ADAMTS18: variants seen among roughly 807,000 people sequenced by gnomAD.
The protein encoded by ADAMTS18 is ADAM metallopeptidase with thrombospondin type 1 motif 18, also known as A disintegrin and metalloproteinase with thrombospondin motifs 18.
In ADAMTS18, 157 loss-of-function variants were observed where a neutral mutation model predicts 165.9. That is an observed-to-expected ratio of 0.95 (90% confidence interval 0.83 to 1.08). ADAMTS18 has a LOEUF of 1.08. Among genes scored for constraint, ADAMTS18 ranks in the 50% least tolerant of loss-of-function variants. The probability of loss-of-function intolerance (pLI) is 0.00; values close to 1 mark genes in which losing one functional copy is unlikely to be tolerated. For synonymous variants in ADAMTS18, 782 were observed against 578.2 expected (o/e 1.35, Z -5.06); for missense variants, 2,040 against 1,534.0 (o/e 1.33, Z -5.51).
chr16:77,383,259 C>T (rs114637679), intron 3 of ADAMTS18, among the ~76,000 whole-genome samples: 42 of 152,196 alleles, frequency 2.8e-4, no homozygotes, highest in African/African-American at 9.1e-4. Flanking sequence ...CATTCACCAT[C>T]ATGCTCTATC....
At position 77,356,007 on chromosome 16, in the gene ADAMTS18, G is replaced by A; in HGVS notation, c.1393C>T (p.Leu465=). Residue 465 remains leucine, a synonymous_variant, in exon 9 of 23, where the codon CTG becomes TTG. Coordinates refer to ENST00000282849, the MANE Select transcript of ADAMTS18 (RefSeq NM_199355.4). ...KAEGNIMSPT[L]TGNNGVFSWS... ...GAAAACACTCCATTGTTTCCGGTCA[G>A]TGTGGGAGACATGATATTGCCTTCA... is the stretch of plus-strand genomic sequence containing the variant. The A allele has an allele frequency of 6.2e-7, 1 of 1,614,104 alleles. No individual in the cohort carries two copies. Among genetic ancestry groups the A allele is most frequent in the Non-Finnish European group, 8.5e-7 (1 of 1,179,980 alleles).
chr16:77,397,151 C>T (rs1177553007), intron 3 of ADAMTS18, among the ~76,000 whole-genome samples: 1 of 152,028 alleles, frequency 6.6e-6, no homozygotes, highest in African/African-American at 2.4e-5. Flanking sequence ...AAATCTAACA[C>T]AATTATTTCT....
chr16:77,344,190 T>C (rs1024933345), intron 10 of ADAMTS18, among the ~76,000 whole-genome samples: 1 of 149,962 alleles, frequency 6.7e-6, no homozygotes, highest in Non-Finnish European at 1.5e-5. Context: ...CATACAGTAA[T>C]TTTGGTCTTG....
At chr16:77,377,164 C>T (rs915930857) in intron 3 of ADAMTS18, among the ~76,000 whole-genome samples, 9 of 152,188 alleles carry the variant, frequency 5.9e-5, no homozygotes, top group South Asian at 2.1e-4. Flanking sequence ...ATAAATCACA[C>T]TTTATGAATT....
chr16:77,411,557 T>C (rs1339170830), intron 3 of ADAMTS18, among the ~76,000 whole-genome samples: 1 of 152,092 alleles, frequency 6.6e-6, no homozygotes, highest in Non-Finnish European at 1.5e-5. Context: ...TGACTAAATG[T>C]GAAAACACAA....
At chr16:77,305,725 G>A (rs2055669547) in intron 16 of ADAMTS18, among the ~76,000 whole-genome samples, 1 of 152,164 alleles carries the variant, frequency 6.6e-6, no homozygotes, top group Non-Finnish European at 1.5e-5. Context: ...TTATATCTCA[G>A]CACGTGCTTT....
At chr16:77,348,832 C>T (rs1316858817) in intron 10 of ADAMTS18, among the ~76,000 whole-genome samples, 1 of 152,000 alleles carries the variant, frequency 6.6e-6, no homozygotes, top group African/African-American at 2.4e-5. Context: ...TTAAATCTCC[C>T]TGAGGAAATA....
intron 3 of ADAMTS18, among the ~76,000 whole-genome samples, chr16:77,386,709 C>T (rs984269819): frequency 1.2e-4 from 18 of 152,102 alleles, no homozygotes; most frequent in Admixed American, 4.6e-4. Context: ...CTAGCTAGGG[C>T]GTTTCTTTTT....
intron 3 of ADAMTS18, among the ~76,000 whole-genome samples, chr16:77,416,986 T>C (rs1021826782): frequency 6.6e-5 from 10 of 152,166 alleles, no homozygotes; most frequent in Non-Finnish European, 1.5e-5. Flanking sequence ...GGTATTTATA[T>C]ATCATGAAGG....
intron 3 of ADAMTS18, among the ~76,000 whole-genome samples, chr16:77,408,795 G>C (rs1048199402): frequency 2.6e-5 from 4 of 152,038 alleles, no homozygotes; most frequent in African/African-American, 9.7e-5. Flanking sequence ...GAGGAGTGTG[G>C]CCACTTTCTG....
At chr16:77,392,374 C>T (rs571904259) in intron 3 of ADAMTS18, among the ~76,000 whole-genome samples, 1 of 152,242 alleles carries the variant, frequency 6.6e-6, no homozygotes, top group South Asian at 2.1e-4. Context: ...TGGAATATGC[C>T]CAGTATGGTG....
chr16:77,292,861 C>A (rs958762976), intron 20 of ADAMTS18, among the ~76,000 whole-genome samples: 23 of 152,172 alleles, frequency 1.5e-4, no homozygotes, highest in African/African-American at 5.5e-4. Context: ...ACTCTGTCGC[C>A]CAGGCTGGAG....
intron 4 of ADAMTS18, among the ~76,000 whole-genome samples, chr16:77,364,732 AAAAG>A (rs778235083): frequency 8.3e-5 from 11 of 132,400 alleles, no homozygotes; most frequent in Non-Finnish European, 1.6e-4. Context: ...AAAGGAAAAA[AAAAG>A]AAAGAAAGAA....
rs919394388 is a variant in ADAMTS18, at chr16:77,295,270, G to T, written c.2802-143C>A. ...AGATAAGTTATTCTAATTGTTCTTTGAGGGATCCAGAGGCTTATACTAATG... is the reference window on the plus strand; with the variant it reads ...AGATAAGTTATTCTAATTGTTCTTTTAGGGATCCAGAGGCTTATACTAATG... On this transcript the variant is annotated intron_variant, in intron 18 of 22. Coordinates refer to ENST00000282849, the MANE Select transcript of ADAMTS18 (RefSeq NM_199355.4). 13 of 814,918 alleles carry T rather than the reference G, an allele frequency of 1.6e-5. No individual in the cohort carries two copies. In the Admixed American group the frequency reaches 2.6e-4, roughly 16 times the overall value. 50.5% of individuals were successfully genotyped at this position (814,918 alleles called of 1,614,324 possible).
rs1428204764 is a variant in ADAMTS18, at chr16:77,431,499, C to G, written c.291G>C (p.Leu97=). The G allele has an allele frequency of 1.2e-6, 2 of 1,614,200 alleles. No homozygotes were observed. Among genetic ancestry groups the G allele is most frequent in the Non-Finnish European group, 8.5e-7 (1 of 1,180,022 alleles). ...KRSAQNARSS[L]HYRFSAFGQE... is the part of the protein sequence containing the mutation. The stretch of plus-strand genomic sequence containing the variant: ...GTCCAAATGCTGAAAATCGGTAGTG[C>G]AGGGAGCTTCTGGCATTCTGCGCCG... Residue 97 remains leucine (L), a synonymous_variant, in exon 3 of 23, where the codon CTG becomes CTC. Coordinates refer to ENST00000282849, the MANE Select transcript of ADAMTS18 (RefSeq NM_199355.4).
intron 18 of ADAMTS18, among the ~76,000 whole-genome samples, 199 bp downstream of exon 18, chr16:77,297,090 C>T (rs1335970596): frequency 6.6e-6 from 1 of 152,236 alleles, no homozygotes; most frequent in Non-Finnish European, 1.5e-5. Flanking sequence ...GATCTTCCCT[C>T]TTCAGCCTCC....
Position 77,359,334 on chromosome 16 carries a change from G to C in ADAMTS18, c.1306C>G (p.His436Asp). Residue 436 changes from histidine (H) to aspartate (D), a missense_variant, in exon 8 of 23, where the codon CAT becomes GAT. Coordinates refer to ENST00000282849, the MANE Select transcript of ADAMTS18 (RefSeq NM_199355.4). ...GGCACTTACTTGTGCCCTGACTCAT[G>C]AGCGATGGTGAAGGCAAGGCCAAGT... is the stretch of plus-strand genomic sequence containing the variant. Reference protein sequence around the residue: ...TGLGLAFTIAHESGHNFGMIH... With the variant: ...TGLGLAFTIADESGHNFGMIH... The C allele has an allele frequency of 6.2e-7, 1 of 1,614,018 alleles. No homozygotes were observed. Among genetic ancestry groups the C allele is most frequent in the East Asian group, 2.2e-5 (1 of 44,874 alleles).
chr16:77,412,012 T>G (rs1452224144), intron 3 of ADAMTS18, among the ~76,000 whole-genome samples: 1 of 151,776 alleles, frequency 6.6e-6, no homozygotes, highest in Non-Finnish European at 1.5e-5. Flanking sequence ...TAAGCATCAT[T>G]CTGGGTGTGT....
intron 12 of ADAMTS18, among the ~76,000 whole-genome samples, chr16:77,334,091 T>TATTATATATAATATACAGTGTTATAC (rs2056240112): frequency 8.9e-6 from 1 of 111,780 alleles, no homozygotes; most frequent in Non-Finnish European, 1.7e-5. Context: ...CAGTGTTATA[T>TATTATATATAATATACAGTGTTATAC]ATTATATATA....
Sources: allele counts gnomAD v4.1 joint callset (sites outside exome capture counted in the v4.1 genomes callset), GRCh38; gene constraint gnomAD v4.1.1; transcripts MANE v1.5; gene names NCBI Gene and HGNC (gene_info 2026-07-23, HGNC 2026-07-21).